The following UBE3D variants were observed in gnomAD, a reference collection of about 807,000 sequenced individuals.
The protein encoded by UBE3D is E3 ubiquitin-protein ligase E3D.
A neutral mutation model predicts 49.6 loss-of-function variants in UBE3D; 48 were observed. The ratio of observed to expected loss-of-function variants is 0.97; its 90% CI spans 0.77 to 1.23. The LOEUF (loss-of-function observed/expected upper bound fraction) is 1.23, where lower values mean the gene tolerates loss of function less well. Ranked by LOEUF, UBE3D falls within the 50% of genes most tolerant of loss-of-function variation. UBE3D has a pLI of 0.00. For missense variants in UBE3D, 452 were observed against 468.4 expected (o/e 0.96, Z 0.32); for synonymous variants, 189 against 174.2 (o/e 1.08, Z -0.67).
At chr6:82,890,265 T>C (rs1056762353), downstream of UBE3D, among the ~76,000 whole-genome samples, 1 of 152,128 alleles carries the variant, frequency 6.6e-6, no homozygotes, top group African/African-American at 2.4e-5. Flanking sequence ...TACACACCAA[T>C]TCACTCACCC....
At chr6:83,064,746 T>C (rs1035281381) in intron 1 of UBE3D, among the ~76,000 whole-genome samples, 2 of 152,226 alleles carry the variant, frequency 1.3e-5, no homozygotes, top group South Asian at 2.1e-4. Flanking sequence ...CATTTCAAGA[T>C]TGAAGAAATT....
At chr6:83,006,921 C>T (rs1780021278) in intron 8 of UBE3D, among the ~76,000 whole-genome samples, 1 of 151,762 alleles carries the variant, frequency 6.6e-6, no homozygotes, top group South Asian at 2.1e-4. Context: ...TGTTTTTAAA[C>T]ATAATTTTTA....
chr6:83,033,279 C>T (rs1782009736), intron 5 of UBE3D, among the ~76,000 whole-genome samples: 1 of 152,148 alleles, frequency 6.6e-6, no homozygotes, highest in African/African-American at 2.4e-5. Flanking sequence ...GACACAAACA[C>T]CTCCCACCAC....
intron 4 of UBE3D, among the ~76,000 whole-genome samples, chr6:83,042,072 G>A (rs1439137623): frequency 6.6e-6 from 1 of 152,000 alleles, no homozygotes; most frequent in Non-Finnish European, 1.5e-5. Context: ...ACCACACCCG[G>A]CTAATTTTTT....
At chr6:82,983,433 G>A (rs540395555) in intron 8 of UBE3D, among the ~76,000 whole-genome samples, 10 of 152,208 alleles carry the variant, frequency 6.6e-5, no homozygotes, top group South Asian at 6.2e-4. Flanking sequence ...ATCCCTGGTT[G>A]TTTTTAGTAG....
At chr6:83,025,106 A>C (rs1781364609) in intron 5 of UBE3D, among the ~76,000 whole-genome samples, 1 of 152,208 alleles carries the variant, frequency 6.6e-6, no homozygotes, top group African/African-American at 2.4e-5. Context: ...AATAACTCAG[A>C]TTATTCCAAT....
intron 9 of UBE3D, among the ~76,000 whole-genome samples, chr6:82,929,955 G>C (rs1046999312): frequency 6.6e-6 from 1 of 152,026 alleles, no homozygotes; most frequent in African/African-American, 2.4e-5. Flanking sequence ...ACATTCTATG[G>C]GTTTGGACAA....
chr6:82,913,374 A>T (rs1467041359), intron 9 of UBE3D, among the ~76,000 whole-genome samples: 1 of 152,210 alleles, frequency 6.6e-6, no homozygotes, highest in African/African-American at 2.4e-5. Context: ...TTTTCTCAGA[A>T]AAGGAATGAC....
chr6:82,948,452 C>T (rs1038893124), intron 9 of UBE3D, among the ~76,000 whole-genome samples: 2 of 151,876 alleles, frequency 1.3e-5, no homozygotes, highest in East Asian at 3.8e-4. Flanking sequence ...AGAACTAATA[C>T]CACTTCTACT....
At chr6:82,989,879 A>AAC (rs1366051681) in intron 8 of UBE3D, among the ~76,000 whole-genome samples, 2 of 152,214 alleles carry the variant, frequency 1.3e-5, no homozygotes, top group African/African-American at 4.8e-5. Context: ...CTCTGAACAA[A>AAC]ACACATAATG....
intron 8 of UBE3D, among the ~76,000 whole-genome samples, chr6:82,973,068 G>A (rs956802739): frequency 2.6e-5 from 4 of 152,006 alleles, no homozygotes; most frequent in East Asian, 1.9e-4. Flanking sequence ...AAAGTTGTAC[G>A]ACTGAATAAA....
At chr6:82,887,173 TA>T in the UBE3D span, among the ~76,000 whole-genome samples, 1 of 71,424 alleles carries the variant, frequency 1.4e-5, no homozygotes, top group Non-Finnish European at 2.4e-5. Flanking sequence ...AAATAAAAAA[TA>T]AAAGCTGGGT....
At chr6:82,939,961 C>T (rs915905933) in intron 9 of UBE3D, among the ~76,000 whole-genome samples, 2 of 152,212 alleles carry the variant, frequency 1.3e-5, no homozygotes, top group Non-Finnish European at 2.9e-5. Flanking sequence ...CTACGAAGTG[C>T]TACAGAAAGC....
the UBE3D span, among the ~76,000 whole-genome samples, chr6:82,884,947 CT>C: frequency 2.0e-5 from 3 of 152,206 alleles, no homozygotes; most frequent in Non-Finnish European, 2.9e-5. Flanking sequence ...TCAGAAACTT[CT>C]GTGCTGGATT....
intron 4 of UBE3D, among the ~76,000 whole-genome samples, chr6:83,041,941 C>T (rs762686285): frequency 2.1e-4 from 32 of 151,978 alleles, no homozygotes; most frequent in African/African-American, 6.8e-4. Context: ...GACAGTGTCT[C>T]GCTCTGTCAC....
chr6:82,997,560 A>G (rs1239601574), intron 8 of UBE3D, among the ~76,000 whole-genome samples: 1 of 152,146 alleles, frequency 6.6e-6, no homozygotes, highest in East Asian at 1.9e-4. Context: ...TCTACTAAAA[A>G]TACAAAAAAT....
At chr6:82,942,958 CACAG>C (rs1468086586) in intron 9 of UBE3D, among the ~76,000 whole-genome samples, 3 of 152,168 alleles carry the variant, frequency 2.0e-5, no homozygotes, top group African/African-American at 7.2e-5. Flanking sequence ...TGTGCACCTG[CACAG>C]ACACTCAACA....
Position 83,022,516 on chromosome 6 carries a change from G to T in UBE3D, c.783C>A (p.Leu261=). The stretch of plus-strand genomic sequence containing the variant: ...ATCTAAAAGTGCTTCTAGCAGAGGA[G>T]AGCTGCACCAGACACTGGGCGATCA... The part of the protein sequence containing the change: ...QSVIAQCLVQ[L]SSARSTFRFT... The change falls in exon 7 of 10, where the codon CTC becomes CTA. Residue 261 remains leucine, a synonymous_variant. Transcript: ENST00000369747. 6.2e-7 allele frequency: 1 copy of T among 1,606,536 alleles called. No homozygotes were observed. The highest frequency in any genetic ancestry group is 2.3e-5 in the East Asian group (1 of 44,176).
Position 82,985,124 on chromosome 6 carries a change from T to A in UBE3D, c.1011-27674A>T, listed in dbSNP as rs1407548082. Among the ~76,000 whole-genome samples, 3 of 148,068 alleles carry A rather than the reference T, an allele frequency of 2.0e-5. No homozygotes were observed. The East Asian group carries it at 6.4e-4, about 32-fold the overall frequency. ...ACCTGGCCTCCCAAAATGATGGGATTACAAGTGTGGGCCACACATGCCTGG... is the reference window on the plus strand; with the variant it reads ...ACCTGGCCTCCCAAAATGATGGGATAACAAGTGTGGGCCACACATGCCTGG... On this transcript the variant is annotated intron_variant, in intron 8 of 9. Coordinates refer to ENST00000369747, the MANE Select transcript of UBE3D (RefSeq NM_198920.3).
Sources: gnomAD v4.1 joint callset for allele counts (sites outside exome capture counted in the v4.1 genomes callset) on GRCh38, gnomAD v4.1.1 for gene constraint, MANE v1.5 for transcripts, NCBI Gene and HGNC (gene_info 2026-07-23, HGNC 2026-07-21) for gene names.